PRKCE: variants seen among roughly 807,000 people sequenced by gnomAD.
PRKCE encodes protein kinase C epsilon type.
A neutral mutation model predicts 85.4 loss-of-function variants in PRKCE; 16 were observed. The observed-to-expected ratio is 0.19, with a 90% CI of 0.13 to 0.28. PRKCE has a LOEUF of 0.28. Ranked by LOEUF, PRKCE falls within the 10% of genes least tolerant of loss-of-function variation. PRKCE has a pLI of 1.00. For missense variants in PRKCE, 573 were observed against 975.2 expected (o/e 0.59, Z 5.49); for synonymous variants, 388 against 371.5 (o/e 1.04, Z -0.51).
At chr2:46,140,372 C>A (rs1675395194) in intron 11 of PRKCE, among the ~76,000 whole-genome samples, 1 of 152,086 alleles carries the variant, frequency 6.6e-6, no homozygotes, top group Non-Finnish European at 1.5e-5. Context: ...AATCCAAGTG[C>A]ACATGAGGAT....
At position 45,725,840 on chromosome 2, in the gene PRKCE, C is replaced by T. The variant is rs78169924; in HGVS notation, c.348+73392C>T. Among the ~76,000 whole-genome samples the T allele has an allele frequency of 2.9e-5, 4 of 139,222 alleles. No individual in the cohort carries two copies. The East Asian group carries it at 8.5e-4, about 29-fold the overall frequency. 91.3% of individuals were successfully genotyped at this position (139,222 alleles called of 152,430 possible). A position where few individuals can be genotyped will look rare whatever the true frequency, so the allele number is the denominator to read the frequency against. ...GTGAGACTCCATCTCAAAAAAAAAACAAAAAACCGCCACCAACAACAAAAA... is the reference window on the plus strand; with the variant it reads ...GTGAGACTCCATCTCAAAAAAAAAATAAAAAACCGCCACCAACAACAAAAA... On this transcript the variant is annotated intron_variant, in intron 1 of 14. Coordinates refer to ENST00000306156, the MANE Select transcript of PRKCE (RefSeq NM_005400.3).
chr2:46,183,842 A>T (rs1011852393), intron 14 of PRKCE, among the ~76,000 whole-genome samples: 1 of 152,140 alleles, frequency 6.6e-6, no homozygotes. Flanking sequence ...AGGACTACTG[A>T]CCCCTTGAAC....
chr2:45,681,288 C>CAAAAAAA (rs10532828), intron 1 of PRKCE, among the ~76,000 whole-genome samples: 26 of 61,782 alleles, frequency 4.2e-4, no homozygotes, highest in African/African-American at 1.5e-3. Context: ...GACTCTGTCT[C>CAAAAAAA]AAAAAAAAAA....
At chr2:45,849,359 T>A (rs1473579576) in intron 2 of PRKCE, among the ~76,000 whole-genome samples, 1 of 152,140 alleles carries the variant, frequency 6.6e-6, no homozygotes, top group African/African-American at 2.4e-5. Context: ...GTGGTCTTTG[T>A]GGTCTCTTTT....
At chr2:46,078,307 T>A (rs1668730083) in intron 10 of PRKCE, 1 of 149,448 alleles carries the variant, frequency 6.7e-6, no homozygotes, top group Admixed American at 6.7e-5. Flanking sequence ...GGCAGGAGGA[T>A]CACTTGAGGC....
At chr2:45,745,094 G>A (rs545131318) in intron 1 of PRKCE, among the ~76,000 whole-genome samples, 1 of 152,290 alleles carries the variant, frequency 6.6e-6, no homozygotes, top group Non-Finnish European at 1.5e-5. Context: ...AGGGAGTGAG[G>A]GGAGTTTGAA....
intron 2 of PRKCE, among the ~76,000 whole-genome samples, chr2:45,847,276 T>C (rs1045648311): frequency 6.6e-6 from 1 of 152,214 alleles, no homozygotes; most frequent in African/African-American, 2.4e-5. Context: ...GCTTGTCCCA[T>C]CCCTGCTTAG....
intron 1 of PRKCE, among the ~76,000 whole-genome samples, chr2:45,704,797 A>T (rs898294030): frequency 6.6e-6 from 1 of 152,220 alleles, no homozygotes; most frequent in African/African-American, 2.4e-5. Context: ...AAATGATAAT[A>T]ACACTGTTCA....
rs1299179834 is a variant in PRKCE at position 45,951,983 on chromosome 2, C to A, written c.413-24446C>A. On this transcript the variant is annotated intron_variant, in intron 2 of 14. Coordinates refer to ENST00000306156, the MANE Select transcript of PRKCE (RefSeq NM_005400.3). The stretch of plus-strand genomic sequence containing the variant: ...GAGTAGCTGGGATTACAGGCATGTG[C>A]CACCACATCCAGCTAACTTTTGCAT... Among the ~76,000 whole-genome samples, 4 of 152,344 alleles carry A rather than the reference C, an allele frequency of 2.6e-5. No homozygotes were observed. In the East Asian group the frequency reaches 7.7e-4, roughly 29 times the overall value.
At chr2:45,991,643 A>G (rs1476298133) in intron 6 of PRKCE, among the ~76,000 whole-genome samples, 1 of 152,210 alleles carries the variant, frequency 6.6e-6, no homozygotes, top group East Asian at 1.9e-4. Flanking sequence ...TTATGCTGTC[A>G]CAGACATCCT....
intron 1 of PRKCE, among the ~76,000 whole-genome samples, chr2:45,765,795 G>A (rs1684865700): frequency 2.0e-5 from 3 of 152,212 alleles, no homozygotes; most frequent in Non-Finnish European, 4.4e-5. Context: ...TGGGCTCTTG[G>A]CAGAGTTTGC....
At chr2:45,885,001 A>ATATATTTTTTTTTTTTTTT (rs1342824133) in intron 2 of PRKCE, among the ~76,000 whole-genome samples, 1 of 71,544 alleles carries the variant, frequency 1.4e-5, no homozygotes, top group Non-Finnish European at 2.7e-5. Context: ...ATATATATAT[A>ATATATTTTTTTTTTTTTTT]TTTGTTGTTG....
chr2:46,074,611 G>A (rs12613391), intron 10 of PRKCE, among the ~76,000 whole-genome samples: 17,011 of 152,094 alleles, frequency 0.11, 1,067 homozygotes, highest in African/African-American at 0.15. Flanking sequence ...CATGACCTCT[G>A]TAGGTTTTGC....
At chr2:46,056,468 A>G (rs1339710854) in intron 10 of PRKCE, among the ~76,000 whole-genome samples, 3 of 152,100 alleles carry the variant, frequency 2.0e-5, no homozygotes, top group Non-Finnish European at 4.4e-5. Context: ...CCTGTCCTAT[A>G]TGTTATTTGC....
chr2:45,653,511 T>G (rs1444021772), intron 1 of PRKCE, among the ~76,000 whole-genome samples: 1 of 152,050 alleles, frequency 6.6e-6, no homozygotes, highest in African/African-American at 2.4e-5. Flanking sequence ...TTCAGGGTTC[T>G]TTGGTCTACA....
rs1170933914 is a variant in PRKCE at position 46,085,736 on chromosome 2, G to GTTTTTTTTTTTTTTTTTTTTTTT, written c.1438-460_1438-459insTTTTTTTTTTTTTTTTTTTTTTT. Among the ~76,000 whole-genome samples the GTTTTTTTTTTTTTTTTTTTTTTT allele has an allele frequency of 2.9e-5, 3 of 104,564 alleles. 1 individual carries two copies. Among genetic ancestry groups the GTTTTTTTTTTTTTTTTTTTTTTT allele is most frequent in the Non-Finnish European group, 1.8e-5 (1 of 54,934 alleles). The allele number at this position is 104,564 out of a possible 152,430, so 68.6% of individuals were successfully genotyped here. Reference sequence around the variant, plus strand: ...TCACTTAATTACATCTGCAAAATCCGTTTTTTTTTTTTGTTTTTGTTTTTT... The same window carrying GTTTTTTTTTTTTTTTTTTTTTTT: ...TCACTTAATTACATCTGCAAAATCCGTTTTTTTTTTTTTTTTTTTTTTTTTTTTTTTTTTTGTTTTTGTTTTTT... On this transcript the variant is annotated intron_variant, in intron 10 of 14. Transcript: ENST00000306156.
intron 2 of PRKCE, among the ~76,000 whole-genome samples, chr2:45,933,464 CTTTTTTTTTTTTT>C (rs59991455): frequency 4.6e-5 from 3 of 65,346 alleles, no homozygotes; most frequent in Non-Finnish European, 8.9e-5. Flanking sequence ...CATATGCCTG[CTTTTTTTTTTTTT>C]TTTTTTTTTT....
At chr2:45,948,924 T>C (rs932867736) in intron 2 of PRKCE, among the ~76,000 whole-genome samples, 4 of 152,258 alleles carry the variant, frequency 2.6e-5, no homozygotes, top group South Asian at 2.1e-4. Context: ...ATCTGTGATA[T>C]AGATCTGGTT....
At chr2:45,812,916 G>T (rs1371017755) in intron 1 of PRKCE, among the ~76,000 whole-genome samples, 1 of 152,138 alleles carries the variant, frequency 6.6e-6, no homozygotes, top group Non-Finnish European at 1.5e-5. Flanking sequence ...TATATGGAGT[G>T]GACATGTTTG....
Sources: gnomAD v4.1 joint callset for allele counts (sites outside exome capture counted in the v4.1 genomes callset) on GRCh38, gnomAD v4.1.1 for gene constraint, MANE v1.5 for transcripts, NCBI Gene and HGNC (gene_info 2026-07-23, HGNC 2026-07-21) for gene names.